The following DCDC2C variants were observed in gnomAD, a reference collection of about 807,000 sequenced individuals.
The protein encoded by DCDC2C is doublecortin domain containing 2C, also known as doublecortin domain-containing protein 2C.
Under a neutral mutation model 45.0 loss-of-function variants are expected in DCDC2C, and 44 were observed. That is an observed-to-expected ratio of 0.98 (90% CI 0.77 to 1.26). The LOEUF is 1.26. DCDC2C is among the 50% of genes most tolerant of loss of function. The pLI, the probability that DCDC2C is intolerant of heterozygous loss-of-function variation, is 0.00. For synonymous variants in DCDC2C, 187 were observed against 178.8 expected, an observed-to-expected ratio of 1.05 and a Z score of -0.37; for missense variants, 447 against 468.9, an observed-to-expected ratio of 0.95 and a Z score of 0.43.
At chr2:3,708,019 T>TA (rs1338613850) in intron 1 of DCDC2C, among the ~76,000 whole-genome samples, 6 of 151,984 alleles carry the variant, frequency 3.9e-5, no homozygotes, top group East Asian at 1.9e-4. Flanking sequence ...TCCCCAACAG[T>TA]AAAAAAAATT....
At chr2:3,817,308 C>A (rs1018814198) in intron 10 of DCDC2C, among the ~76,000 whole-genome samples, 1 of 152,130 alleles carries the variant, frequency 6.6e-6, no homozygotes, top group East Asian at 1.9e-4. Flanking sequence ...GATGGAGGAC[C>A]CTTTTGTAGT....
intron 10 of DCDC2C, among the ~76,000 whole-genome samples, chr2:3,846,877 T>C (rs1287054689): frequency 1.3e-5 from 2 of 152,202 alleles, no homozygotes; most frequent in East Asian, 1.9e-4. Context: ...TTAGATAAAC[T>C]GAAATGGAGT....
At chr2:3,754,659 A>C in intron 6 of DCDC2C, 25 bp downstream of exon 6, 2 of 1,544,822 alleles carry the variant, frequency 1.3e-6, no homozygotes, top group Non-Finnish European at 8.8e-7. Flanking sequence ...AAAACAAGTA[A>C]GTAACTTGTT....
In DCDC2C at chr2:3,729,638, C is replaced by T. The variant is rs149337085; in HGVS notation, c.416+2559C>T. On this transcript the variant is annotated intron_variant, in intron 3 of 10. Coordinates refer to ENST00000399143, the MANE Select transcript of DCDC2C (RefSeq NM_001287444.2). ...CTGTCCTCCGCCAGAGACTGGGAGA[C>T]AGGCCCTGTCCTGCCTGATGCTTGC... is the stretch of plus-strand genomic sequence containing the variant. Among the ~76,000 whole-genome samples, 382 of 152,336 alleles carry T rather than the reference C, an allele frequency of 2.5e-3. 2 individuals are homozygous for T. The highest frequency in any genetic ancestry group is 9.0e-3 in the African/African-American group (374 of 41,578).
intron 10 of DCDC2C, among the ~76,000 whole-genome samples, chr2:3,806,517 C>T (rs1037889891): frequency 2.6e-5 from 4 of 151,088 alleles, no homozygotes; most frequent in African/African-American, 9.7e-5. Flanking sequence ...AGCTTCAACA[C>T]GTGGGCTTGT....
chr2:3,762,438 A>G (rs1458774639), intron 6 of DCDC2C, among the ~76,000 whole-genome samples: 1 of 152,182 alleles, frequency 6.6e-6, no homozygotes, highest in Non-Finnish European at 1.5e-5. Context: ...GAATTTATAA[A>G]GAAAAGAGAT....
chr2:3,824,410 A>G (rs569982529), intron 10 of DCDC2C, among the ~76,000 whole-genome samples: 3 of 152,370 alleles, frequency 2.0e-5, no homozygotes, highest in East Asian at 3.9e-4. Flanking sequence ...CTGTGTCCCA[A>G]TAAACCATTA....
intron 10 of DCDC2C, among the ~76,000 whole-genome samples, chr2:3,796,882 A>C (rs1161495445): frequency 6.6e-6 from 1 of 152,130 alleles, no homozygotes; most frequent in Non-Finnish European, 1.5e-5. Context: ...TGCTGGCTTC[A>C]TAAAATGAGT....
intron 10 of DCDC2C, among the ~76,000 whole-genome samples, chr2:3,817,795 G>A (rs139573302): frequency 5.1e-4 from 78 of 152,308 alleles, no homozygotes; most frequent in African/African-American, 1.7e-3. Flanking sequence ...CTATTTTAAG[G>A]AACAGAAAGG....
intron 2 of DCDC2C, among the ~76,000 whole-genome samples, chr2:3,712,738 G>T (rs1020422390): frequency 6.6e-6 from 1 of 152,152 alleles, no homozygotes; most frequent in African/African-American, 2.4e-5. Flanking sequence ...GGGTTTCTTT[G>T]TGAGGCCCCC....
At chr2:3,774,332 C>T (rs1402969049) in intron 8 of DCDC2C, among the ~76,000 whole-genome samples, 1 of 152,236 alleles carries the variant, frequency 6.6e-6, no homozygotes, top group Non-Finnish European at 1.5e-5. Flanking sequence ...GTGGTTTAAA[C>T]AATCAGGAAC....
intron 3 of DCDC2C, among the ~76,000 whole-genome samples, chr2:3,736,317 AAG>A (rs1669023826): frequency 6.6e-6 from 1 of 152,136 alleles, no homozygotes; most frequent in African/African-American, 2.4e-5. Flanking sequence ...GAGGTTGAGA[AAG>A]AGGCAAGTCG....
intron 4 of DCDC2C, among the ~76,000 whole-genome samples, chr2:3,742,446 A>T (rs1669245239): frequency 6.6e-6 from 1 of 151,988 alleles, no homozygotes; most frequent in South Asian, 2.1e-4. Context: ...CTTGGCAGAG[A>T]TGGGGGAAAT....
intron 10 of DCDC2C, among the ~76,000 whole-genome samples, chr2:3,813,732 C>CTTT (rs3067128): frequency 0.18 from 17,661 of 98,444 alleles, 1,747 homozygotes; most frequent in South Asian, 0.27. Flanking sequence ...GCAACCCCTG[C>CTTT]TTTTTTTTTT....
intron 10 of DCDC2C, among the ~76,000 whole-genome samples, chr2:3,843,640 T>C (rs539737370): frequency 1.3e-5 from 2 of 152,336 alleles, no homozygotes; most frequent in African/African-American, 2.4e-5. Flanking sequence ...TTGGTTCTAA[T>C]GTGTTGGGGT....
chr2:3,820,719 T>C (rs1671668388), intron 10 of DCDC2C, among the ~76,000 whole-genome samples: 1 of 151,680 alleles, frequency 6.6e-6, no homozygotes, highest in African/African-American at 2.4e-5. Context: ...GATTGGAGGG[T>C]AGCAAGAGAG....
At chr2:3,813,571 G>A (rs73146875) in intron 10 of DCDC2C, among the ~76,000 whole-genome samples, 3,141 of 151,306 alleles carry the variant, frequency 0.021, 99 homozygotes, top group African/African-American at 0.072. Context: ...TAAGAACTTG[G>A]TTCATGAATC....
At chr2:3,794,986 G>T (rs1232611772) in intron 10 of DCDC2C, among the ~76,000 whole-genome samples, 1 of 152,168 alleles carries the variant, frequency 6.6e-6, no homozygotes, top group Admixed American at 6.5e-5. Context: ...CACCAACAGT[G>T]TAAAAGTGTT....
intron 8 of DCDC2C, among the ~76,000 whole-genome samples, chr2:3,771,867 G>C (rs1011389895): frequency 6.6e-6 from 1 of 152,244 alleles, no homozygotes; most frequent in Non-Finnish European, 1.5e-5. Flanking sequence ...ACACAGGGAA[G>C]GTGCGTATAT....
Sources: allele counts gnomAD v4.1 joint callset (sites outside exome capture counted in the v4.1 genomes callset), GRCh38; gene constraint gnomAD v4.1.1; transcripts MANE v1.5; gene names NCBI Gene and HGNC (gene_info 2026-07-23, HGNC 2026-07-21).